FNTB: variants seen among roughly 807,000 people sequenced by gnomAD.
The protein encoded by FNTB is farnesyltransferase, CAAX box, subunit beta.
FNTB carries 27 observed loss-of-function variants against 59.4 expected under a neutral mutation model. That is an observed-to-expected ratio of 0.45 (90% CI 0.34 to 0.63). The LOEUF is 0.63. FNTB is among the 20% of genes least tolerant of loss of function. The pLI, the probability that FNTB is intolerant of heterozygous loss-of-function variation, is 0.02. For synonymous variants in FNTB, 230 were observed against 220.7 expected (o/e 1.04, Z -0.37); for missense variants, 449 against 559.6 (o/e 0.80, Z 1.99).
intron 9 of FNTB, among the ~76,000 whole-genome samples, chr14:65,045,245 G>T (rs1467154787): frequency 6.6e-6 from 1 of 152,158 alleles, no homozygotes; most frequent in Non-Finnish European, 1.5e-5. Flanking sequence ...AAGTCATGGG[G>T]CCCTGCTGGT....
intron 3 of FNTB, among the ~76,000 whole-genome samples, chr14:65,013,451 T>C (rs774521679): frequency 3.9e-5 from 6 of 152,196 alleles, no homozygotes; most frequent in Non-Finnish European, 1.5e-5. Flanking sequence ...CTGTGGGCTA[T>C]GAATTTTCAA....
In FNTB at chr14:64,991,495, T is replaced by C. The variant is rs921487477; in HGVS notation, c.144+4398T>C. ...GGTGTGCACCTGTAATACCAGCTAC[T>C]CAGGACACTGAGGCAGGTGAATCTC... is the stretch of plus-strand genomic sequence containing the variant. On this transcript the variant is annotated intron_variant, in intron 1 of 11. Transcript: ENST00000246166. This position sits in a 1 kb window ranked among gnomAD's most constrained non-coding sequence, Gnocchi z 4.4. Among the ~76,000 whole-genome samples the C allele has an allele frequency of 6.6e-6, 1 of 152,048 alleles. No homozygotes were observed.
At chr14:65,042,675 C>CA (rs1849922597) in intron 8 of FNTB, among the ~76,000 whole-genome samples, 1 of 152,194 alleles carries the variant, frequency 6.6e-6, no homozygotes, top group Non-Finnish European at 1.5e-5. Context: ...AAGTAGGACC[C>CA]ATATCTGAAG....
chr14:65,043,691 G>A (rs564294146), intron 8 of FNTB, among the ~76,000 whole-genome samples: 170 of 151,216 alleles, frequency 1.1e-3, no homozygotes, highest in African/African-American at 3.9e-3. Context: ...GCGCGGTGGC[G>A]GGCGCCTGTG....
rs1397836121 is a variant in FNTB at position 65,031,775 on chromosome 14, G to A, written c.606-835G>A. 6.6e-6 allele frequency among the ~76,000 whole-genome samples: 1 copy of A among 152,188 alleles called. No homozygotes were observed. The highest frequency in any genetic ancestry group is 2.0e-4 in the East Asian group (1 of 5,120). ...ATCTCCACTAAAAATAGAAAAATAA[G>A]CCAGGCATGGTGGCATGCGCCTGTA... On this transcript the variant is annotated intron_variant, in intron 6 of 11. Coordinates refer to ENST00000246166, the MANE Select transcript of FNTB (RefSeq NM_002028.4). The surrounding 1 kb of genome is among the most constrained non-coding windows in gnomAD (Gnocchi z 4.6).
chr14:65,032,781 G>C lies in FNTB; in HGVS notation c.692+85G>C. ...CAGAAAAATAAAGAAAATGCAGAGG[G>C]ACTTGGAAGGAAATACAAAAATCAC... is the stretch of plus-strand genomic sequence containing the variant. On this transcript the variant is annotated intron_variant, in intron 7 of 11. Transcript: ENST00000246166. The surrounding 1 kb of genome is among the most constrained non-coding windows in gnomAD (Gnocchi z 5.0). 7.6e-7 allele frequency: 1 copy of C among 1,317,076 alleles called. No homozygotes were observed. The highest frequency in any genetic ancestry group is 2.6e-5 in the Admixed American group (1 of 38,790). 81.6% of individuals were successfully genotyped at this position (1,317,076 alleles called of 1,614,324 possible).
intron 2 of FNTB, among the ~76,000 whole-genome samples, chr14:65,005,508 T>TC (rs2061571938): frequency 1.1e-5 from 1 of 89,866 alleles, no homozygotes; most frequent in South Asian, 2.9e-4. Context: ...TTTCTTTCTT[T>TC]CTTTCTCTCT....
chr14:65,011,312 C>G lies in FNTB; in HGVS notation c.210-1005C>G, dbSNP rs2061679527. Among the ~76,000 whole-genome samples, 1 of 152,040 alleles carries G rather than the reference C, an allele frequency of 6.6e-6. No homozygotes were observed. Among genetic ancestry groups the G allele is most frequent in the East Asian group, 1.9e-4 (1 of 5,160 alleles). ...GGTGTGGTGGCACGTGCCTGTAATC[C>G]CAGCTACTCAGGTGGCTGAGGCAGG... On this transcript the variant is annotated intron_variant, in intron 2 of 11. Coordinates refer to ENST00000246166, the MANE Select transcript of FNTB (RefSeq NM_002028.4). This position sits in a 1 kb window ranked among gnomAD's most constrained non-coding sequence, Gnocchi z 4.0.
intron 11 of FNTB, among the ~76,000 whole-genome samples, chr14:65,055,644 G>A (rs1212960363): frequency 1.3e-5 from 2 of 152,026 alleles, no homozygotes; most frequent in African/African-American, 2.4e-5. Flanking sequence ...AGCCTCCTGA[G>A]TAGCTGGGAT....
Position 65,014,238 on chromosome 14 carries a change from A to G in FNTB, c.283-1387A>G, listed in dbSNP as rs1189504150. ...TTTATAAAACTGGGGCAGTACTCCTACCTACCCTGCCTAGCCTTGAATGCT... is the reference window on the plus strand; with the variant it reads ...TTTATAAAACTGGGGCAGTACTCCTGCCTACCCTGCCTAGCCTTGAATGCT... On this transcript the variant is annotated intron_variant, in intron 3 of 11. Transcript: ENST00000246166. This position sits in a 1 kb window ranked among gnomAD's most constrained non-coding sequence, Gnocchi z 5.1. Among the ~76,000 whole-genome samples, 6 of 152,158 alleles carry G rather than the reference A, an allele frequency of 3.9e-5. No individual in the cohort carries two copies. The highest frequency in any genetic ancestry group is 7.3e-5 in the Non-Finnish European group (5 of 68,032).
rs1009049997 is a variant in FNTB, at chr14:65,032,537, C to T, written c.606-73C>T. On this transcript the variant is annotated intron_variant, in intron 6 of 11. Transcript: ENST00000246166. The surrounding 1 kb of genome is among the most constrained non-coding windows in gnomAD (Gnocchi z 5.0). Reference sequence around the variant, plus strand: ...AGCTTACTAGGCAAGGCGAGCAGTCCGCCCGCGGAGTTCACTGAGCCTCAT... The same window carrying T: ...AGCTTACTAGGCAAGGCGAGCAGTCTGCCCGCGGAGTTCACTGAGCCTCAT... The T allele has an allele frequency of 1.0e-5, 16 of 1,551,438 alleles. No individual in the cohort carries two copies. The highest frequency in any genetic ancestry group is 6.9e-5 in the East Asian group (3 of 43,344).
At chr14:65,005,332 CAG>C (rs1405831628) in intron 2 of FNTB, among the ~76,000 whole-genome samples, 11 of 152,154 alleles carry the variant, frequency 7.2e-5, no homozygotes, top group Admixed American at 1.3e-4. Context: ...CTCATGCAGT[CAG>C]AGTCTTTTTT....
At chr14:65,037,006 T>C (rs1010272671) in intron 7 of FNTB, among the ~76,000 whole-genome samples, 2 of 152,208 alleles carry the variant, frequency 1.3e-5, no homozygotes, top group African/African-American at 4.8e-5. Context: ...TTCATTTTGC[T>C]GGGCACTCGA....
intron 11 of FNTB, among the ~76,000 whole-genome samples, chr14:65,059,867 G>C (rs997802240): frequency 2.9e-5 from 4 of 135,798 alleles, no homozygotes; most frequent in African/African-American, 1.2e-4. Context: ...ACAGAGTCTC[G>C]CTGTTGCCCA....
chr14:64,987,451 G>T, intron 1 of FNTB: 1 of 316,418 alleles, frequency 3.2e-6, no homozygotes, highest in South Asian at 3.6e-5. Context: ...GAGGTTCTGG[G>T]GTGCATAGTG....
chr14:65,028,907 A>G lies in FNTB; in HGVS notation c.605+1126A>G, dbSNP rs191255762. On this transcript the variant is annotated intron_variant, in intron 6 of 11. Transcript: ENST00000246166. This position sits in a 1 kb window ranked among gnomAD's most constrained non-coding sequence, Gnocchi z 4.4. ...CTTGAAACGCAGCTTTTAAAAACCT[A>G]CTAAGATTATTAGGCAAAAGCAAAC... Among the ~76,000 whole-genome samples the G allele has an allele frequency of 7.3e-3, 1,115 of 152,288 alleles. 7 individuals carry two copies. Among genetic ancestry groups the G allele is most frequent in the Non-Finnish European group, 0.012 (812 of 68,018 alleles).
At chr14:64,988,395 T>C (rs1424262538) in intron 1 of FNTB, among the ~76,000 whole-genome samples, 1 of 151,990 alleles carries the variant, frequency 6.6e-6, no homozygotes, top group Non-Finnish European at 1.5e-5. Flanking sequence ...CTGAGTTGAT[T>C]CAGGTCAAGT....
rs1414228444 is a variant in FNTB at position 65,037,760 on chromosome 14, AT to A, written c.693-3027del. Among the ~76,000 whole-genome samples the A allele has an allele frequency of 2.2e-5, 3 of 135,592 alleles. 1 individual carries two copies. The highest frequency in any genetic ancestry group is 4.6e-4 in the South Asian group (2 of 4,302). 89.0% of individuals were successfully genotyped at this position (135,592 alleles called of 152,430 possible). ...TTATTTATTATTTATTTATTTATTT[AT>A]TTATTTATTTATTTATTTATTTATT... On this transcript the variant is annotated intron_variant, in intron 7 of 11. Coordinates refer to ENST00000246166, the MANE Select transcript of FNTB (RefSeq NM_002028.4).
intron 11 of FNTB, among the ~76,000 whole-genome samples, chr14:65,060,942 G>GTT (rs527358346): frequency 2.1e-5 from 3 of 143,384 alleles, no homozygotes; most frequent in Non-Finnish European, 3.0e-5. Context: ...ATAATATGTT[G>GTT]TAAGTATTTG....
Sources: allele counts gnomAD v4.1 joint callset (sites outside exome capture counted in the v4.1 genomes callset), GRCh38; gene constraint gnomAD v4.1.1; non-coding constraint Gnocchi (gnomAD v3.1); transcripts MANE v1.5; gene names NCBI Gene and HGNC (gene_info 2026-07-23, HGNC 2026-07-21).